The following SPTAN1 variants were observed in gnomAD, a reference collection of about 807,000 sequenced individuals.
The protein encoded by SPTAN1 is spectrin alpha, non-erythrocytic 1, also known as spectrin alpha chain, non-erythrocytic 1.
A neutral mutation model predicts 331.3 loss-of-function variants in SPTAN1; 61 were observed. That is an observed-to-expected ratio of 0.18 (90% CI 0.15 to 0.23). The LOEUF is 0.23. SPTAN1 is among the 10% of genes least tolerant of loss of function. The pLI, the probability that SPTAN1 is intolerant of heterozygous loss-of-function variation, is 1.00. For synonymous variants in SPTAN1, 1,153 were observed against 1,173.9 expected, an observed-to-expected ratio of 0.98 and a Z score of 0.36; for missense variants, 2,043 against 3,147.9, an observed-to-expected ratio of 0.65 and a Z score of 8.40.
chr9:128,563,022 ATATATG>A (rs1564188696), intron 1 of SPTAN1, among the ~76,000 whole-genome samples: 41 of 135,036 alleles, frequency 3.0e-4, no homozygotes, highest in African/African-American at 1.2e-3. Context: ...ATATATATAT[ATATATG>A]TATATATTTT....
At chr9:128,561,818 C>T (rs1849408548) in intron 1 of SPTAN1, among the ~76,000 whole-genome samples, 1 of 152,028 alleles carries the variant, frequency 6.6e-6, no homozygotes, top group African/African-American at 2.4e-5. Flanking sequence ...TGTCTCCCAA[C>T]TACTTAATTA....
At position 128,582,954 on chromosome 9, in the gene SPTAN1, C is replaced by G. The variant is rs1852135132; in HGVS notation, c.1806+105C>G. 33 of 1,584,804 alleles carry G rather than the reference C, an allele frequency of 2.1e-5. No homozygotes were observed. In the South Asian group the frequency reaches 3.6e-4, roughly 17 times the overall value. On this transcript the variant is annotated intron_variant, in intron 14 of 56. Transcript: ENST00000372739. ...GACGAAATAAGGGATTCCAGAAACCCCACTACTTAATGTAAGCCAACTGTT... is the reference window on the plus strand; with the variant it reads ...GACGAAATAAGGGATTCCAGAAACCGCACTACTTAATGTAAGCCAACTGTT...
intron 31 of SPTAN1, among the ~76,000 whole-genome samples, chr9:128,606,501 G>GGA (rs1320915385): frequency 2.0e-5 from 3 of 147,436 alleles, no homozygotes; most frequent in African/African-American, 7.5e-5. Flanking sequence ...TTTTTTTGGG[G>GGA]GGGGAAGCGT....
chr9:128,582,644 T>C (rs1323347395), intron 13 of SPTAN1, 50 bp from the exon 14 acceptor site: 1 of 1,611,238 alleles, frequency 6.2e-7, no homozygotes. Flanking sequence ...CAACTGGATA[T>C]CCCTTTGGGA....
chr9:128,605,884 C>T (rs983167573), intron 31 of SPTAN1, among the ~76,000 whole-genome samples: 12 of 151,594 alleles, frequency 7.9e-5, no homozygotes, highest in African/African-American at 2.9e-4. Context: ...CCCAGCTACT[C>T]AGGAGGCTGA....
intron 51 of SPTAN1, 74 bp from the exon 52 acceptor site, chr9:128,630,247 C>G: frequency 1.3e-6 from 2 of 1,540,868 alleles, no homozygotes; most frequent in South Asian, 1.1e-5. Flanking sequence ...ATTGCTCTCT[C>G]TGAGAGAAGG....
chr9:128,589,686 C>G (rs572254140), intron 21 of SPTAN1, among the ~76,000 whole-genome samples: 91 of 151,484 alleles, frequency 6.0e-4, no homozygotes, highest in African/African-American at 2.2e-3. Context: ...CGCCATTCTC[C>G]TGCCTCAGCC....
chr9:128,578,752 C>G (rs1433892359), intron 9 of SPTAN1, among the ~76,000 whole-genome samples: 1 of 151,296 alleles, frequency 6.6e-6, no homozygotes, highest in Non-Finnish European at 1.5e-5. Flanking sequence ...TCGCTTGAAC[C>G]CGGGAGGCAG....
intron 3 of SPTAN1, among the ~76,000 whole-genome samples, chr9:128,570,726 G>A (rs1407571657): frequency 7.0e-6 from 1 of 142,240 alleles, no homozygotes; most frequent in Admixed American, 7.1e-5. Context: ...GCACGATCCC[G>A]GCTCACTGCA....
Position 128,591,365 on chromosome 9 carries a change from C to T in SPTAN1, c.3007-112C>T, listed in dbSNP as rs147831220. On this transcript the variant is annotated intron_variant, in intron 21 of 56. Coordinates refer to ENST00000372739, the MANE Select transcript of SPTAN1 (RefSeq NM_001130438.3). ...ATAGGTGTGAGCCACTGTGGCCGGC[C>T]GTTTTGGACCTCTTAAAACAACGCT... 241 of 1,426,196 alleles carry T rather than the reference C, an allele frequency of 1.7e-4. 2 individuals carry two copies. In the East Asian group the frequency reaches 4.9e-3, roughly 29 times the overall value. 88.3% of individuals were successfully genotyped at this position (1,426,196 alleles called of 1,614,324 possible).
chr9:128,579,581 T>A (rs1376875305), intron 9 of SPTAN1, 56 bp from the exon 10 acceptor site: 2 of 1,428,342 alleles, frequency 1.4e-6, no homozygotes, highest in African/African-American at 1.4e-5. Flanking sequence ...CAGCACCTTG[T>A]TTTTATTTTG....
intron 45 of SPTAN1, among the ~76,000 whole-genome samples, 199 bp from the exon 46 acceptor site, chr9:128,624,129 A>C (rs1170430166): frequency 1.3e-5 from 2 of 150,856 alleles, no homozygotes; most frequent in African/African-American, 4.9e-5. Context: ...CTAAAAGTAG[A>C]ATTGTCAGTA....
Position 128,605,165 on chromosome 9 carries a change from C to T in SPTAN1, c.3851C>T (p.Ala1284Val). 6.2e-7 allele frequency: 1 copy of T among 1,614,030 alleles called. No individual in the cohort carries two copies. The highest frequency in any genetic ancestry group is 8.5e-7 in the Non-Finnish European group (1 of 1,180,014). ...GAGGGCTTCGAGAGGGACCTTGCGG[C>T]TCTCGGTGACAAGGTGAGAGGACCC... is the stretch of plus-strand genomic sequence containing the variant. The part of the protein sequence containing the change: ...KHEGFERDLA[A>V]LGDKVNSLGE... Residue 1284 changes from alanine (A) to valine (V), a missense_variant, in exon 30 of 57, where the codon GCT (alanine) becomes GTT (valine). This residue lies in a region of SPTAN1 where 42 missense variants were observed against 106.0 expected (regional missense o/e 0.40). Coordinates refer to ENST00000372739, the MANE Select transcript of SPTAN1 (RefSeq NM_001130438.3).
chr9:128,599,114 G>T lies in SPTAN1; in HGVS notation c.3543+128G>T. On this transcript the variant is annotated intron_variant, in intron 26 of 56. Transcript: ENST00000372739. ...ACCTCAGATGCCTTTTGTGTGTAAA[G>T]ATTTGTGGAAAACTCCAAAAATTGA... 3 of 950,776 alleles carry T rather than the reference G, an allele frequency of 3.2e-6. No individual in the cohort carries two copies. In the South Asian group the frequency reaches 3.9e-5, roughly 12 times the overall value. The allele number at this position is 950,776 out of a possible 1,614,324, so 58.9% of individuals were successfully genotyped here. A position where few individuals can be genotyped will look rare whatever the true frequency, so the allele number is the denominator to read the frequency against.
At position 128,632,598 on chromosome 9, in the gene SPTAN1, G is replaced by C. The variant is rs1859949028; in HGVS notation, c.7040G>C (p.Arg2347Thr). The change falls in exon 55 of 57, where the codon AGG becomes ACG. Residue 2347 changes from arginine (R) to threonine (T), a missense_variant. Arg to Thr is a moderately conservative substitution (Grantham distance 71, BLOSUM62 -1). Coordinates refer to ENST00000372739, the MANE Select transcript of SPTAN1 (RefSeq NM_001130438.3). The part of the protein sequence containing the change: ...FKHFDKDKSG[R>T]LNHQEFKSCL... ...CACTTTGACAAGGACAAGTCTGGCA[G>C]GCTGAACCATCAGGAGTTCAAATCT... 6.2e-7 allele frequency: 1 copy of C among 1,614,076 alleles called. No homozygotes were observed. The highest frequency in any genetic ancestry group is 8.5e-7 in the Non-Finnish European group (1 of 1,180,044).
chr9:128,618,227 A>G lies in SPTAN1; in HGVS notation c.5600+119A>G, dbSNP rs543863459. The G allele has an allele frequency of 4.4e-5, 65 of 1,481,408 alleles. No homozygotes were observed. In the African/African-American group the frequency reaches 7.9e-4, roughly 18 times the overall value. The allele number at this position is 1,481,408 out of a possible 1,614,324, so 91.8% of individuals were successfully genotyped here. A position where few individuals can be genotyped will look rare whatever the true frequency, so the allele number is the denominator to read the frequency against. On this transcript the variant is annotated intron_variant, in intron 43 of 56. Coordinates refer to ENST00000372739, the MANE Select transcript of SPTAN1 (RefSeq NM_001130438.3). The stretch of plus-strand genomic sequence containing the variant: ...CTGTCTCCTGGACCTTTGGCCTCAC[A>G]TGTGCCATAGTCGGTTTGCTCCAGA...
chr9:128,627,549 A>G lies in SPTAN1; in HGVS notation c.6689+51A>G. The stretch of plus-strand genomic sequence containing the variant: ...CAGCAGCATGTCCCTGCTGTACTTA[A>G]GCCCTGGGGAGCTTCCAGCCCCAAG... On this transcript the variant is annotated intron_variant, in intron 50 of 56. Transcript: ENST00000372739. This position sits in a 1 kb window ranked among gnomAD's most constrained non-coding sequence, Gnocchi z 4.9. 1 of 1,477,714 alleles carries G rather than the reference A, an allele frequency of 6.8e-7. No individual in the cohort carries two copies. The highest frequency in any genetic ancestry group is 1.2e-5 in the South Asian group (1 of 82,706). The allele number at this position is 1,477,714 out of a possible 1,614,324, so 91.5% of individuals were successfully genotyped here.
chr9:128,568,778 C>T lies in SPTAN1; in HGVS notation c.244C>T (p.Leu82Phe). Residue 82 changes from leucine to phenylalanine, a missense_variant, in exon 3 of 57, where the codon CTT (leucine) becomes TTT (phenylalanine). By Grantham distance (22) the Leu-to-Phe change is conservative. This residue lies in a region of SPTAN1 where 1,038 missense variants were observed against 1,531.5 expected (regional missense o/e 0.68). Transcript: ENST00000372739. ...YKDPTNLQGK[L>F]QKHQAFEAEV... The stretch of plus-strand genomic sequence containing the variant: ...CTTCAAGGTCCGCCAACAGGGAAAG[C>T]TTCAGAAGCATCAAGCATTTGAAGC... The T allele has an allele frequency of 6.2e-7, 1 of 1,614,086 alleles. No homozygotes were observed. Among genetic ancestry groups the T allele is most frequent in the South Asian group, 1.1e-5 (1 of 91,088 alleles).
At chr9:128,610,975 G>A (rs1367594692) in intron 37 of SPTAN1, among the ~76,000 whole-genome samples, 1 of 152,184 alleles carries the variant, frequency 6.6e-6, no homozygotes, top group African/African-American at 2.4e-5. Context: ...TTGCTTAATG[G>A]TGATTTCTGC....
Sources: allele counts gnomAD v4.1 joint callset (sites outside exome capture counted in the v4.1 genomes callset), GRCh38; gene constraint gnomAD v4.1.1; regional missense constraint gnomAD v4.1.1; non-coding constraint Gnocchi (gnomAD v3.1); transcripts MANE v1.5; gene names NCBI Gene and HGNC (gene_info 2026-07-23, HGNC 2026-07-21).